The following CAMTA1 variants were observed in gnomAD, a reference collection of about 807,000 sequenced individuals.
CAMTA1 encodes the protein calmodulin binding transcription activator 1, also known as calmodulin-binding transcription activator 1.
Under a neutral mutation model 170.9 loss-of-function variants are expected in CAMTA1, and 27 were observed. The ratio of observed to expected loss-of-function variants is 0.16; its 90% CI spans 0.12 to 0.22. The LOEUF is 0.22. CAMTA1 is among the 10% of genes least tolerant of loss of function. The probability of loss-of-function intolerance (pLI) is 1.00; values close to 1 mark genes in which losing one functional copy is unlikely to be tolerated. For missense variants in CAMTA1, 1,619 were observed against 2,217.2 expected (o/e 0.73, Z 5.42); for synonymous variants, 833 against 891.5 (o/e 0.93, Z 1.17).
intron 11 of CAMTA1, among the ~76,000 whole-genome samples, chr1:7,683,204 A>C (rs1269871847): frequency 6.6e-6 from 1 of 151,256 alleles, no homozygotes; most frequent in Non-Finnish European, 1.5e-5. Flanking sequence ...AAAAAAGAAC[A>C]TACAATGTAC....
At chr1:6,795,993 T>A (rs1321439942) in intron 1 of CAMTA1, among the ~76,000 whole-genome samples, 2 of 152,196 alleles carry the variant, frequency 1.3e-5, no homozygotes, top group African/African-American at 4.8e-5. Context: ...GCTAAACAGA[T>A]TGAAACCTAA....
intron 5 of CAMTA1, among the ~76,000 whole-genome samples, chr1:7,387,370 C>A (rs952468640): frequency 2.6e-5 from 4 of 152,166 alleles, no homozygotes; most frequent in African/African-American, 9.7e-5. Context: ...CTAGTTTCTG[C>A]TCGCCCTTCA....
At chr1:7,313,981 A>T (rs995276938) in intron 5 of CAMTA1, among the ~76,000 whole-genome samples, 2 of 152,192 alleles carry the variant, frequency 1.3e-5, no homozygotes, top group East Asian at 3.9e-4. Flanking sequence ...ACAGTTTTGC[A>T]TCAGGAATCT....
intron 5 of CAMTA1, among the ~76,000 whole-genome samples, chr1:7,291,211 G>T (rs991328273): frequency 5.3e-5 from 8 of 152,150 alleles, no homozygotes; most frequent in African/African-American, 1.9e-4. Context: ...GAAAGTTAGG[G>T]ACGAAGACGG....
chr1:7,509,514 G>A (rs2094171022), intron 6 of CAMTA1, among the ~76,000 whole-genome samples: 1 of 152,156 alleles, frequency 6.6e-6, no homozygotes, highest in Non-Finnish European at 1.5e-5. Flanking sequence ...TCTATTTCTG[G>A]ATTATTGTCT....
intron 3 of CAMTA1, among the ~76,000 whole-genome samples, chr1:7,053,338 A>G (rs1249845301): frequency 6.6e-6 from 1 of 152,144 alleles, no homozygotes; most frequent in Non-Finnish European, 1.5e-5. Context: ...TCGAAGCTCT[A>G]TGCCCACCAT....
In CAMTA1 at chr1:7,769,485, T is replaced by A. The variant is rs1435344513; in HGVS notation, c.*2994T>A. On this transcript the variant is annotated 3_prime_UTR_variant, in exon 23 of 23. Transcript: ENST00000303635. ...TAGTTGGCGCCCAATGGGGGGTCCC[T>A]GAGACTTGCATGTAAAACTAGTCTA... is the stretch of plus-strand genomic sequence containing the variant. 6.5e-6 allele frequency: 1 copy of A among 152,762 alleles called. No individual in the cohort carries two copies. The highest frequency in any genetic ancestry group is 2.4e-5 in the African/African-American group (1 of 41,460). The allele number at this position is 152,762 out of a possible 1,614,324, so 9.5% of individuals were successfully genotyped here. A position where few individuals can be genotyped will look rare whatever the true frequency, so the allele number is the denominator to read the frequency against.
At chr1:7,184,414 G>A (rs1652837122) in intron 4 of CAMTA1, among the ~76,000 whole-genome samples, 1 of 151,986 alleles carries the variant, frequency 6.6e-6, no homozygotes, top group South Asian at 2.1e-4. Context: ...TTGAGGTGAT[G>A]GACACACCAT....
At chr1:7,189,661 C>T (rs930057590) in intron 4 of CAMTA1, among the ~76,000 whole-genome samples, 5 of 152,168 alleles carry the variant, frequency 3.3e-5, no homozygotes, top group Non-Finnish European at 4.4e-5. Context: ...GCAGTGAAAA[C>T]GGAACACATC....
Position 7,146,833 on chromosome 1 carries a change from C to T in CAMTA1, c.302+55462C>T, listed in dbSNP as rs998647909. Among the ~76,000 whole-genome samples the T allele has an allele frequency of 2.0e-5, 3 of 151,912 alleles. No homozygotes were observed. Among genetic ancestry groups the T allele is most frequent in the South Asian group, 2.1e-4 (1 of 4,802 alleles). On this transcript the variant is annotated intron_variant, in intron 4 of 22. Transcript: ENST00000303635. This position sits in a 1 kb window ranked among gnomAD's most constrained non-coding sequence, Gnocchi z 4.3. ...ACCATGTGCACACACACCACACACA[C>T]ATATACCATGCACACACAAACACAA...
intron 5 of CAMTA1, among the ~76,000 whole-genome samples, chr1:7,404,865 T>C (rs927088363): frequency 5.9e-5 from 9 of 152,258 alleles, no homozygotes; most frequent in African/African-American, 2.2e-4. Context: ...ATCTGGAGTA[T>C]GCTGCCTCCT....
chr1:7,717,203 C>T (rs916922697), intron 11 of CAMTA1, among the ~76,000 whole-genome samples: 1 of 151,998 alleles, frequency 6.6e-6, no homozygotes, highest in Admixed American at 6.6e-5. Flanking sequence ...TATTGTACAG[C>T]CTGGTGACTC....
At chr1:7,038,428 C>T (rs368883456) in intron 3 of CAMTA1, among the ~76,000 whole-genome samples, 1 of 152,154 alleles carries the variant, frequency 6.6e-6, no homozygotes, top group South Asian at 2.1e-4. Flanking sequence ...GTTTTTCTGC[C>T]ATTTCAATTT....
rs187707276 is a variant in CAMTA1 at position 7,258,613 on chromosome 1, T to G, written c.438+8987T>G. 1.4e-4 allele frequency among the ~76,000 whole-genome samples: 22 copies of G among 152,336 alleles called. No individual in the cohort carries two copies. The East Asian group carries it at 4.2e-3, about 29-fold the overall frequency. ...GCCTCACCCAGAAACCGGGCAGGCA[T>G]TGGAAGACCATAATAGATACTTTTC... On this transcript the variant is annotated intron_variant, in intron 5 of 22. Transcript: ENST00000303635.
At chr1:7,335,843 T>C in intron 5 of CAMTA1, among the ~76,000 whole-genome samples, 1 of 151,694 alleles carries the variant, frequency 6.6e-6, no homozygotes, top group East Asian at 1.9e-4. Flanking sequence ...CACGGGTTTG[T>C]GTACTAAGTA....
At chr1:6,997,817 C>T (rs536958766) in intron 3 of CAMTA1, among the ~76,000 whole-genome samples, 42 of 151,766 alleles carry the variant, frequency 2.8e-4, no homozygotes, top group Admixed American at 2.5e-3. Context: ...TGCACCACCA[C>T]GCCTGGCTAG....
chr1:7,146,824 CCA>C lies in CAMTA1; in HGVS notation c.302+55462_302+55463del, dbSNP rs1036688645. Among the ~76,000 whole-genome samples, 9 of 151,434 alleles carry C rather than the reference CCA, an allele frequency of 5.9e-5. No homozygotes were observed. The highest frequency in any genetic ancestry group is 2.2e-4 in the African/African-American group (9 of 41,148). On this transcript the variant is annotated intron_variant, in intron 4 of 22. Transcript: ENST00000303635. The surrounding 1 kb of genome is among the most constrained non-coding windows in gnomAD (Gnocchi z 4.3). ...CAAATATACACCATGTGCACACACACCACACACACATATACCATGCACACACA... is the reference window on the plus strand; with the variant it reads ...CAAATATACACCATGTGCACACACACCACACACATATACCATGCACACACA...
chr1:6,957,958 C>T (rs1689744391), intron 3 of CAMTA1, among the ~76,000 whole-genome samples: 1 of 152,184 alleles, frequency 6.6e-6, no homozygotes, highest in Non-Finnish European at 1.5e-5. Flanking sequence ...GAGAGAACAG[C>T]CTCTCTGTTC....
intron 5 of CAMTA1, among the ~76,000 whole-genome samples, chr1:7,427,999 C>T (rs145399606): frequency 2.0e-5 from 3 of 152,324 alleles, no homozygotes; most frequent in Non-Finnish European, 2.9e-5. Flanking sequence ...CCAGGACGTG[C>T]TGCTGCCACG....
Sources: allele counts gnomAD v4.1 joint callset (sites outside exome capture counted in the v4.1 genomes callset), GRCh38; gene constraint gnomAD v4.1.1; non-coding constraint Gnocchi (gnomAD v3.1); transcripts MANE v1.5; gene names NCBI Gene and HGNC (gene_info 2026-07-23, HGNC 2026-07-21).